The following PELI2 variants were observed in gnomAD, a reference collection of about 807,000 sequenced individuals.
PELI2 encodes the protein pellino E3 ubiquitin protein ligase family member 2.
Under a neutral mutation model 42.3 loss-of-function variants are expected in PELI2, and 23 were observed. The observed-to-expected ratio is 0.54, with a 90% CI of 0.39 to 0.77. The LOEUF (loss-of-function observed/expected upper bound fraction) is 0.77. Ranked by LOEUF, PELI2 falls within the 30% of genes least tolerant of loss-of-function variation. PELI2 has a pLI of 0.00. For synonymous variants in PELI2, 245 were observed against 212.2 expected (o/e 1.15, Z -1.34); for missense variants, 463 against 553.2 (o/e 0.84, Z 1.64).
chr14:56,274,921 G>C (rs1416534364), intron 2 of PELI2, among the ~76,000 whole-genome samples: 1 of 152,150 alleles, frequency 6.6e-6, no homozygotes, highest in Non-Finnish European at 1.5e-5. Context: ...CATTTATACT[G>C]TAATAAAGTG....
chr14:56,243,652 T>C (rs1157732932), intron 2 of PELI2, among the ~76,000 whole-genome samples: 1 of 152,242 alleles, frequency 6.6e-6, no homozygotes, highest in African/African-American at 2.4e-5. Context: ...TTTGGGTCAT[T>C]ATTATTGTGT....
chr14:56,245,429 A>G (rs967694579), intron 2 of PELI2, among the ~76,000 whole-genome samples: 1 of 152,216 alleles, frequency 6.6e-6, no homozygotes, highest in South Asian at 2.1e-4. Context: ...TTTCTAAAAC[A>G]TGTAAAACCA....
rs1444871392 is a variant in PELI2, at chr14:56,218,383, G to C, written c.207+39919G>C. Among the ~76,000 whole-genome samples the C allele has an allele frequency of 2.0e-5, 3 of 152,336 alleles. No homozygotes were observed. The East Asian group carries it at 5.8e-4, about 29-fold the overall frequency. The stretch of plus-strand genomic sequence containing the variant: ...TTCTTATTTATGCCTTATGGCACTA[G>C]AGCAAAGAAGTAGTTCCAGGTGGAT... On this transcript the variant is annotated intron_variant, in intron 2 of 5. Coordinates refer to ENST00000267460, the MANE Select transcript of PELI2 (RefSeq NM_021255.3).
intron 2 of PELI2, among the ~76,000 whole-genome samples, chr14:56,255,465 A>G (rs1355856588): frequency 2.0e-5 from 3 of 152,050 alleles, no homozygotes; most frequent in African/African-American, 7.2e-5. Flanking sequence ...GGAGGGAAAC[A>G]TCATGCACCA....
intron 2 of PELI2, among the ~76,000 whole-genome samples, chr14:56,261,207 G>T (rs918634197): frequency 1.3e-5 from 2 of 152,128 alleles, no homozygotes; most frequent in Non-Finnish European, 2.9e-5. Flanking sequence ...CTTTCAGCTT[G>T]CATTAATACT....
intron 2 of PELI2, among the ~76,000 whole-genome samples, chr14:56,194,265 C>T (rs1337287526): frequency 6.6e-6 from 1 of 152,162 alleles, no homozygotes; most frequent in Non-Finnish European, 1.5e-5. Context: ...GCCCCTGTTC[C>T]TGTCGTCAGC....
At chr14:56,137,971 C>T (rs906895030) in intron 1 of PELI2, among the ~76,000 whole-genome samples, 3 of 152,198 alleles carry the variant, frequency 2.0e-5, no homozygotes, top group Non-Finnish European at 1.5e-5. Flanking sequence ...CTCCCAGGTG[C>T]ACATTTCCCT....
rs150212099 is a variant in PELI2, at chr14:56,301,173, T to C, written c.*4007T>C. ...TATTAGCAGTTAAATTTTATGAATA[T>C]GTTTGTAAAATTGTTGTTTTATATT... is the stretch of plus-strand genomic sequence containing the variant. On this transcript the variant is annotated 3_prime_UTR_variant, in exon 6 of 6. Coordinates refer to ENST00000267460, the MANE Select transcript of PELI2 (RefSeq NM_021255.3). 1.8e-4 allele frequency: 27 copies of C among 152,788 alleles called. No homozygotes were observed. Among genetic ancestry groups the C allele is most frequent in the African/African-American group, 6.3e-4 (26 of 41,592 alleles). 9.5% of individuals were successfully genotyped at this position (152,788 alleles called of 1,614,324 possible).
Position 56,180,314 on chromosome 14 carries a change from A to G in PELI2, c.207+1850A>G, listed in dbSNP as rs1566623227. Among the ~76,000 whole-genome samples the G allele has an allele frequency of 1.3e-5, 2 of 152,228 alleles. No individual in the cohort carries two copies. The highest frequency in any genetic ancestry group is 4.8e-5 in the African/African-American group (2 of 41,448). On this transcript the variant is annotated intron_variant, in intron 2 of 5. Coordinates refer to ENST00000267460, the MANE Select transcript of PELI2 (RefSeq NM_021255.3). The surrounding 1 kb of genome is among the most constrained non-coding windows in gnomAD (Gnocchi z 4.4). The stretch of plus-strand genomic sequence containing the variant: ...GAAAATATACTTTGTTCATAACAAT[A>G]GAAATTATTCTGGCTAAGATAAAAC...
At chr14:56,246,661 A>C (rs746737442) in intron 2 of PELI2, among the ~76,000 whole-genome samples, 1 of 150,982 alleles carries the variant, frequency 6.6e-6, no homozygotes, top group African/African-American at 2.5e-5. Context: ...ATGGTTATGC[A>C]TTACTTTATT....
chr14:56,123,115 G>T (rs1819739879), intron 1 of PELI2, among the ~76,000 whole-genome samples: 1 of 151,892 alleles, frequency 6.6e-6, no homozygotes, highest in African/African-American at 2.4e-5. Flanking sequence ...ATTTCCTTTG[G>T]ATGATTCAGT....
chr14:56,296,498 T>G (rs1393663239), intron 5 of PELI2, 102 bp from the exon 6 acceptor site: 5 of 762,714 alleles, frequency 6.6e-6, no homozygotes, highest in African/African-American at 1.7e-5. Flanking sequence ...TGCTTCCCTG[T>G]GTTATCTTCA....
intron 1 of PELI2, among the ~76,000 whole-genome samples, chr14:56,141,526 G>T (rs932838110): frequency 6.6e-6 from 1 of 152,210 alleles, no homozygotes; most frequent in Non-Finnish European, 1.5e-5. Context: ...TGGCTATGAA[G>T]AAATACCTGA....
At chr14:56,155,727 G>A (rs537269561) in intron 1 of PELI2, among the ~76,000 whole-genome samples, 6 of 150,526 alleles carry the variant, frequency 4.0e-5, no homozygotes, top group East Asian at 3.9e-4. Flanking sequence ...CACTACAGGC[G>A]CTCGCCACCA....
rs114828987 is a variant in PELI2, at chr14:56,209,341, C to T, written c.207+30877C>T. Among the ~76,000 whole-genome samples, 545 of 152,226 alleles carry T rather than the reference C, an allele frequency of 3.6e-3. 1 individual carries two copies. The highest frequency in any genetic ancestry group is 0.012 in the African/African-American group (506 of 41,518). On this transcript the variant is annotated intron_variant, in intron 2 of 5. Transcript: ENST00000267460. The stretch of plus-strand genomic sequence containing the variant: ...TTCTGAAAAGGCTATTAAAAATTAC[C>T]CCTTTTTCCAATTATATATGTACGT...
intron 1 of PELI2, among the ~76,000 whole-genome samples, chr14:56,164,676 T>C (rs1884886972): frequency 6.6e-6 from 1 of 152,168 alleles, no homozygotes; most frequent in South Asian, 2.1e-4. Flanking sequence ...TCCGGGCTTT[T>C]CTTTACTGGG....
At chr14:56,179,074 TA>T (rs1025870973) in intron 2 of PELI2, among the ~76,000 whole-genome samples, 9 of 151,980 alleles carry the variant, frequency 5.9e-5, no homozygotes, top group African/African-American at 1.4e-4. Flanking sequence ...AAATGCTAAT[TA>T]AAAAAAACTG....
At chr14:56,284,270 T>G (rs1268454806) in intron 3 of PELI2, among the ~76,000 whole-genome samples, 1 of 152,200 alleles carries the variant, frequency 6.6e-6, no homozygotes, top group Non-Finnish European at 1.5e-5. Flanking sequence ...CATTATTTTC[T>G]GGAGTAGGCA....
At chr14:56,251,514 C>T (rs528259200) in intron 2 of PELI2, among the ~76,000 whole-genome samples, 52 of 152,242 alleles carry the variant, frequency 3.4e-4, no homozygotes, top group Admixed American at 1.0e-3. Context: ...TGCAGCAGTT[C>T]GTTATTGTTA....
Sources: gnomAD v4.1 joint callset for allele counts (sites outside exome capture counted in the v4.1 genomes callset) on GRCh38, gnomAD v4.1.1 for gene constraint, Gnocchi (gnomAD v3.1) non-coding constraint, MANE v1.5 for transcripts, NCBI Gene and HGNC (gene_info 2026-07-23, HGNC 2026-07-21) for gene names.